KCTD9: variants seen among roughly 807,000 people sequenced by gnomAD.
KCTD9 encodes the protein BTB/POZ domain-containing protein KCTD9.
KCTD9 carries 17 observed loss-of-function variants against 53.3 expected under a neutral mutation model. The observed-to-expected ratio is 0.32, with a 90% CI of 0.22 to 0.48. The LOEUF is 0.48. Among genes scored for constraint, KCTD9 ranks in the 20% least tolerant of loss-of-function variants. KCTD9 has a pLI of 0.99. For missense variants in KCTD9, 179 were observed against 465.5 expected (o/e 0.38, Z 5.66); for synonymous variants, 128 against 162.7 (o/e 0.79, Z 1.62).
At position 25,446,265 on chromosome 8, in the gene KCTD9, GAAT is replaced by G. The variant is rs1432184989; in HGVS notation, c.49-18_49-16del. ...ACAGCAACCACCTGTAAACACACCA[GAAT>G]AATATGAACAATTTCTTTAATACAT... On this transcript the variant is annotated splice_polypyrimidine_tract_variant and intron_variant, in intron 1 of 11. Transcript: ENST00000221200. The G allele has an allele frequency of 2.5e-6, 4 of 1,612,392 alleles. No homozygotes were observed. Among genetic ancestry groups the G allele is most frequent in the Non-Finnish European group, 3.4e-6 (4 of 1,178,886 alleles).
Position 25,458,255 on chromosome 8 carries a change from C to G in KCTD9, c.-9G>C. 6.2e-7 allele frequency: 1 copy of G among 1,610,554 alleles called. No homozygotes were observed. Among genetic ancestry groups the G allele is most frequent in the Admixed American group, 1.7e-5 (1 of 59,978 alleles). On this transcript the variant is annotated 5_prime_UTR_variant, in exon 1 of 12. Transcript: ENST00000221200. ...AGGGTCACCCGCCTCATCGCGCTGC[C>G]CCCGCTGGGTCCTGAGTGAGCCGCC...
intron 9 of KCTD9, among the ~76,000 whole-genome samples, chr8:25,434,862 C>G (rs766982101): frequency 6.6e-6 from 1 of 152,168 alleles, no homozygotes; most frequent in Non-Finnish European, 1.5e-5. Context: ...TAAATACATA[C>G]ATATACATAT....
At chr8:25,445,164 A>T (rs1271625252) in intron 2 of KCTD9, among the ~76,000 whole-genome samples, 5 of 152,202 alleles carry the variant, frequency 3.3e-5, no homozygotes, top group Non-Finnish European at 7.4e-5. Flanking sequence ...TTTGGATTTA[A>T]AATGTAGTGT....
intron 1 of KCTD9, among the ~76,000 whole-genome samples, chr8:25,456,715 GAAC>G (rs916929467): frequency 1.3e-5 from 2 of 151,932 alleles, no homozygotes; most frequent in Non-Finnish European, 1.5e-5. Flanking sequence ...AAATCCGTGT[GAAC>G]AACAATATGG....
rs1158706060 is a variant in KCTD9 at position 25,439,286 on chromosome 8, A to G, written c.492T>C (p.Asn164=). 1.3e-6 allele frequency: 2 copies of G among 1,593,802 alleles called. No individual in the cohort carries two copies. The highest frequency in any genetic ancestry group is 1.3e-5 in the African/African-American group (1 of 74,076). ...AAGTCTAAATAAACTCACCCAATAAATTAATGCCATCATTTACAATGAGCT... is the reference window on the plus strand; with the variant it reads ...AAGTCTAAATAAACTCACCCAATAAGTTAATGCCATCATTTACAATGAGCT... ...HGQLIVNDGI[N]LLGVLEEARF... is the part of the protein sequence containing the mutation. The change falls in exon 6 of 12, where the codon AAT becomes AAC. Residue 164 remains asparagine (N), a synonymous_variant. Transcript: ENST00000221200.
intron 11 of KCTD9, 122 bp from the exon 12 acceptor site, chr8:25,430,095 T>C (rs1801898951): frequency 1.5e-6 from 1 of 678,148 alleles, no homozygotes; most frequent in Non-Finnish European, 2.7e-6. Context: ...ACTCAGTTAA[T>C]TTCCGGAAAA....
Position 25,439,612 on chromosome 8 carries a change from C to T in KCTD9, c.364G>A (p.Asp122Asn). The T allele has an allele frequency of 1.2e-6, 2 of 1,614,084 alleles. No individual in the cohort carries two copies. The highest frequency in any genetic ancestry group is 1.7e-6 in the Non-Finnish European group (2 of 1,179,978). ...PDSMLAHMFK[D>N]KGVWGNKQDH... Reference sequence around the variant, plus strand: ...AACAACGTGTTACACTCACCTTTGTCCTTAAACATGTGGGCCAGCATACTG... The same window carrying T: ...AACAACGTGTTACACTCACCTTTGTTCTTAAACATGTGGGCCAGCATACTG... Residue 122 changes from aspartate (D) to asparagine (N), a missense_variant, in exon 5 of 12, where the codon GAC (aspartate) becomes AAC (asparagine). Coordinates refer to ENST00000221200, the MANE Select transcript of KCTD9 (RefSeq NM_017634.4).
intron 2 of KCTD9, among the ~76,000 whole-genome samples, chr8:25,444,598 G>C (rs1296124595): frequency 6.6e-6 from 1 of 152,150 alleles, no homozygotes; most frequent in East Asian, 1.9e-4. Context: ...ACGATGTTGA[G>C]TTCAGCTTTC....
chr8:25,445,818 G>T (rs1802204997), intron 2 of KCTD9, among the ~76,000 whole-genome samples: 1 of 151,644 alleles, frequency 6.6e-6, no homozygotes, highest in South Asian at 2.1e-4. Flanking sequence ...GTGAAGAGAT[G>T]AATTAGATTT....
intron 8 of KCTD9, 83 bp downstream of exon 8, chr8:25,436,152 T>C: frequency 1.1e-6 from 1 of 875,576 alleles, no homozygotes. Context: ...CAAAGCAAGA[T>C]AATCCCAAAA....
intron 5 of KCTD9, 85 bp from the exon 6 acceptor site, chr8:25,439,492 G>A: frequency 6.4e-7 from 1 of 1,561,744 alleles, no homozygotes; most frequent in Non-Finnish European, 8.7e-7. Flanking sequence ...CTAAATATAA[G>A]TTTTTACTCT....
chr8:25,448,319 A>G (rs563886717), intron 1 of KCTD9, among the ~76,000 whole-genome samples: 2 of 152,138 alleles, frequency 1.3e-5, no homozygotes, highest in South Asian at 4.1e-4. Context: ...CACTCACATG[A>G]AAGTACCCAA....
chr8:25,452,669 G>C (rs1802349841), intron 1 of KCTD9, among the ~76,000 whole-genome samples: 1 of 152,184 alleles, frequency 6.6e-6, no homozygotes, highest in South Asian at 2.1e-4. Flanking sequence ...GCTTGCTGCT[G>C]TGTGCCAGGA....
chr8:25,454,126 A>G (rs1469033506), intron 1 of KCTD9, among the ~76,000 whole-genome samples: 1 of 152,186 alleles, frequency 6.6e-6, no homozygotes, highest in Non-Finnish European at 1.5e-5. Context: ...AACTCAAGCA[A>G]TCCTCCCATC....
chr8:25,451,024 T>C (rs1369870559), intron 1 of KCTD9, among the ~76,000 whole-genome samples: 9 of 152,196 alleles, frequency 5.9e-5, no homozygotes, highest in Admixed American at 5.9e-4. Context: ...ATACGAAGAA[T>C]CTTATAGTTC....
intron 3 of KCTD9, 107 bp from the exon 4 acceptor site, chr8:25,440,780 C>A: frequency 2.7e-6 from 2 of 751,384 alleles, no homozygotes. Context: ...AAAAGCATAC[C>A]AGAGCTACTA....
intron 4 of KCTD9, 186 bp from the exon 5 acceptor site, chr8:25,439,850 C>A: frequency 8.1e-7 from 1 of 1,241,236 alleles, no homozygotes; most frequent in East Asian, 2.7e-5. Context: ...TAATAGGGTA[C>A]TTCCTTTGAT....
At chr8:25,431,279 T>A (rs1801925282) in intron 11 of KCTD9, among the ~76,000 whole-genome samples, 1 of 152,162 alleles carries the variant, frequency 6.6e-6, no homozygotes, top group Admixed American at 6.5e-5. Flanking sequence ...TCCCTAGCCC[T>A]AGTATTTTTA....
chr8:25,453,123 G>A (rs1157907776), intron 1 of KCTD9, among the ~76,000 whole-genome samples: 1 of 152,202 alleles, frequency 6.6e-6, no homozygotes, highest in East Asian at 1.9e-4. Flanking sequence ...AGTACTTTGG[G>A]CGGCTGAGGC....
Sources: allele counts gnomAD v4.1 joint callset (sites outside exome capture counted in the v4.1 genomes callset), GRCh38; gene constraint gnomAD v4.1.1; transcripts MANE v1.5; gene names NCBI Gene and HGNC (gene_info 2026-07-23, HGNC 2026-07-21).